Variants in CRTAC1 observed in about 807,000 individuals in gnomAD.
CRTAC1 encodes cartilage acidic protein 1.
In CRTAC1, 37 loss-of-function variants were observed where a neutral mutation model predicts 67.8. The ratio of observed to expected loss-of-function variants is 0.55; its 90% CI spans 0.42 to 0.72. CRTAC1 has a LOEUF of 0.72. CRTAC1 is among the 30% of genes least tolerant of loss of function. The pLI is 0.00. For synonymous variants in CRTAC1, 348 were observed against 371.0 expected (o/e 0.94, Z 0.71); for missense variants, 780 against 931.6 (o/e 0.84, Z 2.12).
At chr10:98,001,777 C>T (rs1842693504) in intron 2 of CRTAC1, among the ~76,000 whole-genome samples, 1 of 152,286 alleles carries the variant, frequency 6.6e-6, no homozygotes, top group East Asian at 1.9e-4. Context: ...GTGTTCTAGA[C>T]ACCCGCACCT....
rs1590309803 is a variant in CRTAC1 at position 98,029,837 on chromosome 10, C to T, written c.24+612G>A. On this transcript the variant is annotated intron_variant, in intron 1 of 14. Transcript: ENST00000370597. This position sits in a 1 kb window ranked among gnomAD's most constrained non-coding sequence, Gnocchi z 4.7. The stretch of plus-strand genomic sequence containing the variant: ...CCTGAAGCCGGCTTGCCTCAGGCAG[C>T]CTGAAGGGAAGACCACACCTCGTCC... Among the ~76,000 whole-genome samples, 1 of 152,184 alleles carries T rather than the reference C, an allele frequency of 6.6e-6. No individual in the cohort carries two copies. Among genetic ancestry groups the T allele is most frequent in the Non-Finnish European group, 1.5e-5 (1 of 68,028 alleles).
At chr10:98,005,261 C>A (rs1024952041) in intron 2 of CRTAC1, among the ~76,000 whole-genome samples, 1 of 150,532 alleles carries the variant, frequency 6.6e-6, no homozygotes, top group Non-Finnish European at 1.5e-5. Flanking sequence ...CGTGCCACCA[C>A]GCCTGGCTAA....
At chr10:97,950,137 AT>A (rs1373658910) in intron 2 of CRTAC1, among the ~76,000 whole-genome samples, 1 of 152,144 alleles carries the variant, frequency 6.6e-6, no homozygotes, top group Non-Finnish European at 1.5e-5. Flanking sequence ...CAGTTTCCTC[AT>A]CTATAAAGTG....
chr10:97,901,392 G>A (rs1392809403), intron 8 of CRTAC1, 111 bp downstream of exon 8: 5 of 1,340,832 alleles, frequency 3.7e-6, no homozygotes, highest in Admixed American at 1.9e-5. Context: ...ACCTTGGCCT[G>A]ACCCCCTGGC....
intron 14 of CRTAC1, chr10:97,869,683 C>CT (rs993120306): frequency 2.0e-5 from 3 of 152,334 alleles, no homozygotes; most frequent in African/African-American, 7.2e-5. Flanking sequence ...ACAGAAAGAA[C>CT]TATGGCTGTT....
intron 1 of CRTAC1, among the ~76,000 whole-genome samples, chr10:98,019,786 C>A (rs887090912): frequency 6.6e-6 from 1 of 152,192 alleles, no homozygotes; most frequent in African/African-American, 2.4e-5. Context: ...TGTCAGCAAG[C>A]CCCACGGGAG....
intron 2 of CRTAC1, among the ~76,000 whole-genome samples, chr10:97,952,076 G>A (rs1452960548): frequency 1.3e-5 from 2 of 152,136 alleles, no homozygotes; most frequent in Non-Finnish European, 1.5e-5. Flanking sequence ...TTCCACCCTG[G>A]GCTTGGTGGC....
chr10:97,872,108 C>A (rs1411625092), intron 14 of CRTAC1, among the ~76,000 whole-genome samples: 1 of 148,798 alleles, frequency 6.7e-6, no homozygotes, highest in African/African-American at 2.5e-5. Context: ...CTTACTCACT[C>A]CCCACCCCCA....
intron 4 of CRTAC1, among the ~76,000 whole-genome samples, chr10:97,918,385 T>A (rs186599845): frequency 2.0e-5 from 3 of 152,298 alleles, no homozygotes; most frequent in African/African-American, 7.2e-5. Flanking sequence ...GATGAAAGAC[T>A]CTTCTCTTCT....
intron 2 of CRTAC1, among the ~76,000 whole-genome samples, chr10:97,989,344 A>AT (rs1842390957): frequency 6.6e-6 from 1 of 152,086 alleles, no homozygotes; most frequent in South Asian, 2.1e-4. Flanking sequence ...TTGTTAGGTG[A>AT]TTTTGTCTTT....
intron 2 of CRTAC1, among the ~76,000 whole-genome samples, chr10:97,943,828 C>T (rs190854757): frequency 3.9e-5 from 6 of 152,310 alleles, no homozygotes; most frequent in Admixed American, 3.3e-4. Context: ...CAATAGAGAC[C>T]GTATGGCCAA....
At chr10:97,961,431 C>T (rs1233362820) in intron 2 of CRTAC1, among the ~76,000 whole-genome samples, 1 of 152,104 alleles carries the variant, frequency 6.6e-6, no homozygotes, top group East Asian at 1.9e-4. Context: ...ATTCTGTCTA[C>T]TTTTGTATAT....
chr10:97,909,908 G>A (rs890048951), intron 5 of CRTAC1, among the ~76,000 whole-genome samples: 1 of 152,196 alleles, frequency 6.6e-6, no homozygotes, highest in Non-Finnish European at 1.5e-5. Flanking sequence ...TTGTGACAAC[G>A]TGGATGAACC....
intron 14 of CRTAC1, chr10:97,869,160 G>A (rs1418989096): frequency 6.6e-6 from 1 of 152,284 alleles, no homozygotes; most frequent in Non-Finnish European, 1.5e-5. Flanking sequence ...GATTCCCAGG[G>A]AAGGACTTGG....
chr10:97,955,064 T>C (rs973595927), intron 2 of CRTAC1, among the ~76,000 whole-genome samples: 2 of 152,204 alleles, frequency 1.3e-5, no homozygotes, highest in African/African-American at 2.4e-5. Context: ...ATAATAATAA[T>C]AGCAGCTAGG....
chr10:97,998,482 A>G (rs974159437), intron 2 of CRTAC1, among the ~76,000 whole-genome samples: 2 of 152,236 alleles, frequency 1.3e-5, no homozygotes, highest in African/African-American at 4.8e-5. Flanking sequence ...GGCATCTGAA[A>G]AGAAACAATG....
chr10:97,884,003 A>T (rs2050247810), intron 12 of CRTAC1, among the ~76,000 whole-genome samples: 1 of 152,210 alleles, frequency 6.6e-6, no homozygotes, highest in South Asian at 2.1e-4. Context: ...TACACCAGGG[A>T]TTCTTTGAGA....
intron 11 of CRTAC1, among the ~76,000 whole-genome samples, chr10:97,888,459 A>AGAATGTGTATCAGGTGG (rs2050317790): frequency 6.6e-6 from 1 of 151,762 alleles, no homozygotes; most frequent in Admixed American, 6.6e-5. Flanking sequence ...AAAGAGTGTC[A>AGAATGTGTATCAGGTGG]GAATGTGTAT....
At chr10:97,884,017 A>T (rs2050247990) in intron 12 of CRTAC1, among the ~76,000 whole-genome samples, 189 bp downstream of exon 12, 1 of 152,264 alleles carries the variant, frequency 6.6e-6, no homozygotes, top group Admixed American at 6.5e-5. Flanking sequence ...TTTGAGAAGC[A>T]GAAGAGATGT....
Sources: allele counts gnomAD v4.1 joint callset (sites outside exome capture counted in the v4.1 genomes callset), GRCh38; gene constraint gnomAD v4.1.1; non-coding constraint Gnocchi (gnomAD v3.1); transcripts MANE v1.5; gene names NCBI Gene and HGNC (gene_info 2026-07-23, HGNC 2026-07-21).